Variants in HHAT observed in about 807,000 individuals in gnomAD.
HHAT encodes hedgehog acyltransferase, also known as protein-cysteine N-palmitoyltransferase HHAT.
Under a neutral mutation model 70.8 loss-of-function variants are expected in HHAT, and 47 were observed. The ratio of observed to expected loss-of-function variants is 0.66; its 90% CI spans 0.53 to 0.85. The LOEUF (loss-of-function observed/expected upper bound fraction) is 0.85. HHAT is among the 40% of genes least tolerant of loss of function. The probability of loss-of-function intolerance (pLI) is 0.00; values close to 1 mark genes in which losing one functional copy is unlikely to be tolerated. For synonymous variants in HHAT, 228 were observed against 247.6 expected, an observed-to-expected ratio of 0.92 and a Z score of 0.74; for missense variants, 609 against 604.8, an observed-to-expected ratio of 1.01 and a Z score of -0.07.
intron 11 of HHAT, among the ~76,000 whole-genome samples, chr1:210,634,854 G>A (rs907696125): frequency 6.6e-6 from 1 of 152,172 alleles, no homozygotes; most frequent in Non-Finnish European, 1.5e-5. Context: ...AAAGTACATG[G>A]CAAGGAAATA....
In HHAT at chr1:210,362,856, C is replaced by T. The variant is rs764395929; in HGVS notation, c.96C>T (p.His32=). Residue 32 remains histidine (H), a synonymous_variant, in exon 3 of 12, where the codon CAC becomes CAT. Coordinates refer to ENST00000261458, the MANE Select transcript of HHAT (RefSeq NM_018194.6). The part of the protein sequence containing the change: ...FYEVYKVSRE[H]EEELDQEFEL... ...AGACTTTTTTTTTTTGGTCAGAACA[C>T]GAAGAGGAGCTGGACCAGGAATTTG... 34 of 1,612,616 alleles carry T rather than the reference C, an allele frequency of 2.1e-5. 1 individual carries two copies. Among genetic ancestry groups the T allele is most frequent in the African/African-American group, 6.7e-5 (5 of 74,706 alleles).
In HHAT at chr1:210,629,145, A is replaced by G. The variant is rs540684215; in HGVS notation, c.1390+5475A>G. On this transcript the variant is annotated intron_variant, in intron 11 of 11. Transcript: ENST00000261458. Reference sequence around the variant, plus strand: ...TAGACAGTCTATCCGTGTTTACATCATTGGTCCATTTATGACCATTCTTGG... The same window carrying G: ...TAGACAGTCTATCCGTGTTTACATCGTTGGTCCATTTATGACCATTCTTGG... 2.0e-5 allele frequency among the ~76,000 whole-genome samples: 3 copies of G among 152,354 alleles called. No homozygotes were observed. The South Asian group carries it at 6.2e-4, about 32-fold the overall frequency.
At chr1:210,410,546 A>G (rs1159714722) in intron 6 of HHAT, among the ~76,000 whole-genome samples, 1 of 48,102 alleles carries the variant, frequency 2.1e-5, no homozygotes, top group Non-Finnish European at 4.5e-5. Flanking sequence ...TTTTTTTTTT[A>G]AGATAGAGTC....
intron 9 of HHAT, among the ~76,000 whole-genome samples, chr1:210,539,929 A>G (rs12403873): frequency 0.064 from 9,787 of 152,294 alleles, 630 homozygotes; most frequent in East Asian, 0.3. Context: ...AGGGCTTATG[A>G]AGCATGCCAC....
chr1:210,415,294 T>C (rs1467809348), intron 6 of HHAT, among the ~76,000 whole-genome samples: 4 of 152,228 alleles, frequency 2.6e-5, no homozygotes, highest in Non-Finnish European at 5.9e-5. Context: ...GATTTAGTGA[T>C]TGACTGGCTT....
chr1:210,611,806 C>T (rs1411938928), intron 10 of HHAT, among the ~76,000 whole-genome samples: 2 of 151,988 alleles, frequency 1.3e-5, no homozygotes, highest in Admixed American at 6.6e-5. Context: ...GATGAATCAC[C>T]TTTATTGATT....
intron 9 of HHAT, among the ~76,000 whole-genome samples, chr1:210,585,368 T>C (rs1660207759): frequency 6.6e-6 from 1 of 151,914 alleles, no homozygotes; most frequent in Admixed American, 6.6e-5. Flanking sequence ...AAAAAAAAAA[T>C]TATTTGGGAA....
intron 1 of HHAT, among the ~76,000 whole-genome samples, chr1:210,334,509 T>C (rs957583346): frequency 2.6e-5 from 4 of 152,042 alleles, no homozygotes; most frequent in Non-Finnish European, 5.9e-5. Context: ...TTTTCCCCTT[T>C]TTAGCCCGGG....
intron 10 of HHAT, among the ~76,000 whole-genome samples, chr1:210,615,553 C>T (rs1667520336): frequency 1.3e-5 from 2 of 152,122 alleles, no homozygotes; most frequent in Non-Finnish European, 2.9e-5. Flanking sequence ...CTGTTTTTTC[C>T]CCATCTTTGT....
chr1:210,596,266 T>G (rs1662980895), intron 10 of HHAT, among the ~76,000 whole-genome samples: 1 of 152,196 alleles, frequency 6.6e-6, no homozygotes, highest in Non-Finnish European at 1.5e-5. Context: ...TAATTAATAC[T>G]TGACTTTGGG....
At chr1:210,416,177 C>T (rs531996226) in intron 6 of HHAT, among the ~76,000 whole-genome samples, 1 of 152,186 alleles carries the variant, frequency 6.6e-6, no homozygotes, top group Admixed American at 6.5e-5. Context: ...GTGTAGCTCT[C>T]TCTTTCCCGC....
At chr1:210,499,449 C>T (rs1264323125) in intron 8 of HHAT, among the ~76,000 whole-genome samples, 3 of 152,152 alleles carry the variant, frequency 2.0e-5, no homozygotes, top group Non-Finnish European at 2.9e-5. Flanking sequence ...CCAGCCTGGC[C>T]AACATGGTGA....
chr1:210,611,182 A>G (rs1573715593), intron 10 of HHAT, among the ~76,000 whole-genome samples: 2 of 152,110 alleles, frequency 1.3e-5, no homozygotes, highest in South Asian at 2.1e-4. Flanking sequence ...TCACTGATTT[A>G]TTTGAGCAGT....
intron 8 of HHAT, among the ~76,000 whole-genome samples, chr1:210,490,162 A>C (rs1572797585): frequency 6.6e-6 from 1 of 152,336 alleles, no homozygotes; most frequent in South Asian, 2.1e-4. Context: ...CTGATGTCTG[A>C]TGAAGTGGTC....
At chr1:210,465,752 T>C (rs2094087215) in intron 8 of HHAT, among the ~76,000 whole-genome samples, 1 of 152,274 alleles carries the variant, frequency 6.6e-6, no homozygotes, top group Non-Finnish European at 1.5e-5. Flanking sequence ...TGATTTTTCA[T>C]AGTAACTTAT....
Position 210,522,782 on chromosome 1 carries a change from A to C in HHAT, c.1043+9594A>C, listed in dbSNP as rs1414267527. ...TCCTTGCCCCCCACCCCCCAATCCC[A>C]CTATACCTCTGGAATCAGAGTAACA... On this transcript the variant is annotated intron_variant, in intron 9 of 11. Coordinates refer to ENST00000261458, the MANE Select transcript of HHAT (RefSeq NM_018194.6). 4.1e-5 allele frequency among the ~76,000 whole-genome samples: 6 copies of C among 145,130 alleles called. No individual in the cohort carries two copies. In the East Asian group the frequency reaches 1.1e-3, roughly 26 times the overall value.
chr1:210,543,178 TA>T (rs1169403241), intron 9 of HHAT, among the ~76,000 whole-genome samples: 3 of 152,062 alleles, frequency 2.0e-5, no homozygotes, highest in Non-Finnish European at 1.5e-5. Context: ...CAGACATTTT[TA>T]AAAAAAGAAA....
chr1:210,489,588 C>T (rs2094521249), intron 8 of HHAT, among the ~76,000 whole-genome samples: 1 of 152,168 alleles, frequency 6.6e-6, no homozygotes, highest in Non-Finnish European at 1.5e-5. Context: ...TTGACCAGGG[C>T]CTCTTTTGGT....
At chr1:210,659,741 C>T (rs1010934386) in intron 11 of HHAT, among the ~76,000 whole-genome samples, 1 of 152,214 alleles carries the variant, frequency 6.6e-6, no homozygotes, top group Non-Finnish European at 1.5e-5. Flanking sequence ...AGCTTCATCT[C>T]TGGGATGCAA....
Sources: allele counts gnomAD v4.1 joint callset (sites outside exome capture counted in the v4.1 genomes callset), GRCh38; gene constraint gnomAD v4.1.1; transcripts MANE v1.5; gene names NCBI Gene and HGNC (gene_info 2026-07-23, HGNC 2026-07-21).